Variants in DGKB observed in about 807,000 individuals in gnomAD.
The protein encoded by DGKB is diacylglycerol kinase beta, also known as 90 kDa diacylglycerol kinase.
DGKB carries 67 observed loss-of-function variants against 114.3 expected under a neutral mutation model. That is an observed-to-expected ratio of 0.59 (90% CI 0.48 to 0.72). The LOEUF (loss-of-function observed/expected upper bound fraction) is 0.72. Among genes scored for constraint, DGKB ranks in the 30% least tolerant of loss-of-function variants. The pLI is 0.00. For missense variants in DGKB, 907 were observed against 975.2 expected, an observed-to-expected ratio of 0.93 and a Z score of 0.93; for synonymous variants, 398 against 323.1, an observed-to-expected ratio of 1.23 and a Z score of -2.49.
At chr7:14,432,444 T>C (rs775275523) in intron 21 of DGKB, among the ~76,000 whole-genome samples, 12 of 152,182 alleles carry the variant, frequency 7.9e-5, no homozygotes, top group Non-Finnish European at 1.5e-4. Context: ...TCTTTCAGGA[T>C]ATACTCCTAA....
intron 21 of DGKB, among the ~76,000 whole-genome samples, chr7:14,351,071 G>A (rs866744196): frequency 1.0e-4 from 1 of 9,716 alleles, no homozygotes; most frequent in Admixed American, 7.5e-4. Flanking sequence ...TGGCATAGCC[G>A]GAATTTGGAC....
chr7:14,280,833 C>T (rs966777144), intron 23 of DGKB, among the ~76,000 whole-genome samples: 7 of 151,276 alleles, frequency 4.6e-5, no homozygotes, highest in African/African-American at 1.5e-4. Flanking sequence ...CACCACCAGG[C>T]CTGCCCTAAA....
rs112333249 is a variant in DGKB at position 14,155,930 on chromosome 7, G to C, written c.2305-6692C>G. On this transcript the variant is annotated intron_variant, in intron 25 of 25. Coordinates refer to ENST00000402815, the MANE Select transcript of DGKB (RefSeq NM_001350709.2). ...GGAGAACAGGTCTTGAGATAGATTT[G>C]GGTTTGATCATCTTATAACAATGTC... Among the ~76,000 whole-genome samples, 635 of 152,154 alleles carry C rather than the reference G, an allele frequency of 4.2e-3. 7 individuals are homozygous for C. Among genetic ancestry groups the C allele is most frequent in the African/African-American group, 0.015 (607 of 41,542 alleles).
chr7:14,722,534 C>T (rs1019860127), intron 5 of DGKB, among the ~76,000 whole-genome samples: 5 of 152,066 alleles, frequency 3.3e-5, no homozygotes, highest in African/African-American at 1.2e-4. Context: ...AAAAGCTTGG[C>T]CAGGCACCGG....
chr7:14,637,447 C>T (rs566114788), intron 13 of DGKB, among the ~76,000 whole-genome samples: 244 of 151,486 alleles, frequency 1.6e-3, no homozygotes, highest in African/African-American at 5.5e-3. Flanking sequence ...TTTTTATATG[C>T]TCTTTAGGAG....
At chr7:14,163,872 G>A (rs764256393) in intron 25 of DGKB, among the ~76,000 whole-genome samples, 30 of 152,068 alleles carry the variant, frequency 2.0e-4, no homozygotes, top group Non-Finnish European at 4.3e-4. Flanking sequence ...GCAGGTGCCT[G>A]TAATCTCAGC....
intron 12 of DGKB, among the ~76,000 whole-genome samples, chr7:14,675,194 G>T (rs924411898): frequency 3.3e-5 from 5 of 152,088 alleles, no homozygotes; most frequent in African/African-American, 4.8e-5. Context: ...TGATTACAGT[G>T]TAAAGCTAAA....
chr7:14,682,267 C>G, intron 12 of DGKB, among the ~76,000 whole-genome samples: 1 of 152,052 alleles, frequency 6.6e-6, no homozygotes, highest in East Asian at 1.9e-4. Context: ...GCCATGGCCT[C>G]TGATTACCTT....
At chr7:14,686,115 C>G (rs1821640478) in intron 9 of DGKB, among the ~76,000 whole-genome samples, 1 of 152,078 alleles carries the variant, frequency 6.6e-6, no homozygotes. Flanking sequence ...ATAACAATCA[C>G]TATGGTTATT....
At chr7:14,936,708 T>C (rs545952156) in intron 1 of DGKB, among the ~76,000 whole-genome samples, 33 of 152,166 alleles carry the variant, frequency 2.2e-4, no homozygotes, top group African/African-American at 7.5e-4. Context: ...GCAGCAGACT[T>C]AGACTTTCCT....
At chr7:14,578,580 C>T (rs1799498318) in intron 19 of DGKB, among the ~76,000 whole-genome samples, 1 of 152,186 alleles carries the variant, frequency 6.6e-6, no homozygotes, top group Non-Finnish European at 1.5e-5. Flanking sequence ...AACCAATCCA[C>T]TGGTAAGTAC....
chr7:14,432,188 G>A (rs769896035), intron 21 of DGKB, among the ~76,000 whole-genome samples: 4 of 152,146 alleles, frequency 2.6e-5, no homozygotes, highest in African/African-American at 4.8e-5. Context: ...AAGTATAGAA[G>A]TTGCTACTGT....
chr7:14,435,320 C>G (rs1829075405), intron 21 of DGKB, among the ~76,000 whole-genome samples: 1 of 151,962 alleles, frequency 6.6e-6, no homozygotes, highest in African/African-American at 2.4e-5. Context: ...GTGATTTGAA[C>G]AAAATACAGA....
intron 20 of DGKB, among the ~76,000 whole-genome samples, chr7:14,545,081 T>C (rs764861158): frequency 3.3e-5 from 5 of 152,130 alleles, no homozygotes; most frequent in Non-Finnish European, 7.4e-5. Context: ...CCTCCCTTTT[T>C]ATGTTTTATC....
intron 23 of DGKB, among the ~76,000 whole-genome samples, chr7:14,322,328 G>T (rs1412133725): frequency 2.0e-5 from 3 of 152,166 alleles, no homozygotes; most frequent in Non-Finnish European, 4.4e-5. Flanking sequence ...ACAGTGTTCA[G>T]AAATAAATAA....
chr7:14,800,955 T>C (rs928349362), intron 2 of DGKB, among the ~76,000 whole-genome samples: 2 of 152,052 alleles, frequency 1.3e-5, no homozygotes, highest in East Asian at 1.9e-4. Context: ...GAATACAGCA[T>C]GAGTAGCAGA....
chr7:14,691,294 C>A (rs1477707374), intron 9 of DGKB, among the ~76,000 whole-genome samples: 15 of 152,136 alleles, frequency 9.9e-5, no homozygotes, highest in African/African-American at 3.4e-4. Context: ...TCAATTAGAA[C>A]CTACTCCCCG....
At chr7:14,629,317 A>AT (rs1303626047) in intron 14 of DGKB, among the ~76,000 whole-genome samples, 1 of 152,046 alleles carries the variant, frequency 6.6e-6, no homozygotes, top group African/African-American at 2.4e-5. Flanking sequence ...GAAACATTAT[A>AT]TTTAAGTGTA....
At chr7:14,338,228 A>G (rs1381786444) in intron 23 of DGKB, among the ~76,000 whole-genome samples, 2 of 152,106 alleles carry the variant, frequency 1.3e-5, no homozygotes, top group African/African-American at 4.8e-5. Context: ...GAAGAGCTTA[A>G]TATACAATAT....
Sources: allele counts gnomAD v4.1 joint callset (sites outside exome capture counted in the v4.1 genomes callset), GRCh38; gene constraint gnomAD v4.1.1; transcripts MANE v1.5; gene names NCBI Gene and HGNC (gene_info 2026-07-23, HGNC 2026-07-21).